Variants in ACTG2 observed in about 807,000 individuals in gnomAD.
ACTG2 encodes actin, gamma-enteric smooth muscle.
ACTG2 carries 16 observed loss-of-function variants against 37.6 expected under a neutral mutation model. The ratio of observed to expected loss-of-function variants is 0.43; its 90% confidence interval spans 0.29 to 0.65. The LOEUF is 0.65. Among genes scored for constraint, ACTG2 ranks in the 30% least tolerant of loss-of-function variants. The pLI, the probability that ACTG2 is intolerant of heterozygous loss-of-function variation, is 0.18. For missense variants in ACTG2, 238 were observed against 490.9 expected (o/e 0.48, Z 4.87); for synonymous variants, 181 against 179.9 (o/e 1.01, Z -0.05).
At chr2:73,909,422 A>C (rs1029919700) in intron 5 of ACTG2, among the ~76,000 whole-genome samples, 1 of 152,230 alleles carries the variant, frequency 6.6e-6, no homozygotes, top group African/African-American at 2.4e-5. Context: ...TTTCTGCTTC[A>C]TGAAGCAGAA....
chr2:73,898,366 T>TTTTTTTTTTTTTTTTTTTTTTTTGAGACG (rs1481747110), intron 1 of ACTG2, among the ~76,000 whole-genome samples: 2 of 143,762 alleles, frequency 1.4e-5, no homozygotes, highest in Non-Finnish European at 3.1e-5. Flanking sequence ...CCTTTTCTAT[T>TTTTTTTTTTTTTTTTTTTTTTTTGAGACG]GTATTAAATA....
chr2:73,894,479 C>G (rs1558619165), intron 1 of ACTG2, among the ~76,000 whole-genome samples: 1 of 152,208 alleles, frequency 6.6e-6, no homozygotes, highest in Non-Finnish European at 1.5e-5. Flanking sequence ...TATCTTTCCT[C>G]TTTCCCCTTG....
In ACTG2 at chr2:73,893,015, C is replaced by T. The variant is rs1354950238; in HGVS notation, c.-73C>T. 6.6e-6 allele frequency: 1 copy of T among 152,220 alleles called. No individual in the cohort carries two copies. Among genetic ancestry groups the T allele is most frequent in the Non-Finnish European group, 1.5e-5 (1 of 68,082 alleles). The allele number at this position is 152,220 out of a possible 1,614,324, so 9.4% of individuals were successfully genotyped here. A position where few individuals can be genotyped will look rare whatever the true frequency, so the allele number is the denominator to read the frequency against. ...GGTATTCATGCCAAAGACACACCAGCCCTCAGTCACTGGGAGAAGAACCTC... is the reference window on the plus strand; with the variant it reads ...GGTATTCATGCCAAAGACACACCAGTCCTCAGTCACTGGGAGAAGAACCTC... On this transcript the variant is annotated 5_prime_UTR_variant, in exon 1 of 9. Coordinates refer to ENST00000345517, the MANE Select transcript of ACTG2 (RefSeq NM_001615.4).
chr2:73,909,528 G>A (rs1680083458), intron 5 of ACTG2, among the ~76,000 whole-genome samples: 1 of 152,152 alleles, frequency 6.6e-6, no homozygotes, highest in African/African-American at 2.4e-5. Flanking sequence ...AGGTGACTTT[G>A]TCACTGTGGG....
chr2:73,908,878 C>A, intron 4 of ACTG2, 95 bp downstream of exon 4: 1 of 1,274,328 alleles, frequency 7.8e-7, no homozygotes, highest in Non-Finnish European at 1.1e-6. Context: ...TGCAACAGAA[C>A]TCTCTGAGGA....
intron 7 of ACTG2, among the ~76,000 whole-genome samples, chr2:73,916,120 G>A (rs1680261698): frequency 6.6e-6 from 1 of 152,166 alleles, no homozygotes; most frequent in Admixed American, 6.5e-5. Context: ...CCTCGCGCCT[G>A]TAATCCCAGC....
intron 3 of ACTG2, among the ~76,000 whole-genome samples, chr2:73,905,778 TG>T (rs1227720440): frequency 6.6e-6 from 1 of 152,132 alleles, no homozygotes; most frequent in African/African-American, 2.4e-5. Context: ...TCTTCTTCTT[TG>T]GAAAACATCC....
chr2:73,906,601 C>G (rs1680021329), intron 3 of ACTG2, among the ~76,000 whole-genome samples: 1 of 152,054 alleles, frequency 6.6e-6, no homozygotes, highest in Admixed American at 6.6e-5. Context: ...TTGCCTCTGT[C>G]TCCGGTGTAG....
At chr2:73,913,300 A>G (rs1680183069) in intron 5 of ACTG2, among the ~76,000 whole-genome samples, 185 bp from the exon 6 acceptor site, 1 of 152,186 alleles carries the variant, frequency 6.6e-6, no homozygotes, top group African/African-American at 2.4e-5. Context: ...CTACAGTCTC[A>G]CTGGGGGGAA....
At chr2:73,916,027 A>C (rs1680259314) in intron 7 of ACTG2, among the ~76,000 whole-genome samples, 1 of 152,174 alleles carries the variant, frequency 6.6e-6, no homozygotes. Context: ...AAAAGTTATG[A>C]AAAAAGAAAG....
intron 2 of ACTG2, chr2:73,901,726 A>T: frequency 7.1e-6 from 3 of 421,112 alleles, no homozygotes; most frequent in South Asian, 5.1e-5. Context: ...TCAGGCACAC[A>T]ATGACACTAC....
chr2:73,908,179 G>T, intron 3 of ACTG2: 1 of 437,408 alleles, frequency 2.3e-6, no homozygotes, highest in Non-Finnish European at 4.6e-6. Flanking sequence ...TTGGAGCTTA[G>T]TGAGAGCTTG....
intron 3 of ACTG2, among the ~76,000 whole-genome samples, chr2:73,904,915 A>G (rs1558624384): frequency 6.6e-6 from 1 of 151,014 alleles, no homozygotes; most frequent in African/African-American, 2.4e-5. Context: ...ATTATGTGAC[A>G]TAATTCTAAA....
chr2:73,903,438 A>AG (rs1350038354), intron 3 of ACTG2, among the ~76,000 whole-genome samples: 1 of 152,262 alleles, frequency 6.6e-6, no homozygotes, highest in Non-Finnish European at 1.5e-5. Context: ...CACAGACATT[A>AG]GAGGCAATGG....
intron 3 of ACTG2, among the ~76,000 whole-genome samples, chr2:73,904,763 GTGTGTGTGTGTGTGTATATATATATATA>G (rs1439514167): frequency 3.4e-5 from 2 of 58,362 alleles, no homozygotes; most frequent in African/African-American, 1.6e-4. Flanking sequence ...GTGTGTGTGT[GTGTGTGTGTGTGTGTATATATATATATA>G]TATATATATA....
Position 73,902,332 on chromosome 2 carries a change from TTTCTCTTTTC to T in ACTG2, c.127-23_127-14del. 1 of 1,611,790 alleles carries T rather than the reference TTTCTCTTTTC, an allele frequency of 6.2e-7. No individual in the cohort carries two copies. Among genetic ancestry groups the T allele is most frequent in the Non-Finnish European group, 8.5e-7 (1 of 1,178,828 alleles). On this transcript the variant is annotated intron_variant, in intron 2 of 8. Coordinates refer to ENST00000345517, the MANE Select transcript of ACTG2 (RefSeq NM_001615.4). ...TCTGTGTGGAGCCCTCAGCCATTCA[TTTCTCTTTTC>T]TTCTTTTTGCATTGCAGGGTGTGAT...
At chr2:73,911,815 G>C (rs905067610) in intron 5 of ACTG2, among the ~76,000 whole-genome samples, 21 of 152,354 alleles carry the variant, frequency 1.4e-4, no homozygotes, top group Non-Finnish European at 2.5e-4. Context: ...TGGTATAGAA[G>C]TGTGCTCAGC....
At chr2:73,902,000 AG>A (rs1679895451) in intron 2 of ACTG2, among the ~76,000 whole-genome samples, 1 of 142,320 alleles carries the variant, frequency 7.0e-6, no homozygotes, top group African/African-American at 2.8e-5. Context: ...AGGGGACTTG[AG>A]GAGGATGCAT....
intron 4 of ACTG2, 133 bp from the exon 5 acceptor site, chr2:73,908,922 G>A (rs1680071502): frequency 8.3e-7 from 1 of 1,203,768 alleles, no homozygotes; most frequent in Non-Finnish European, 1.2e-6. Flanking sequence ...CAGGCCCTGG[G>A]GGAGTGGGTG....
Sources: allele counts gnomAD v4.1 joint callset (sites outside exome capture counted in the v4.1 genomes callset), GRCh38; gene constraint gnomAD v4.1.1; transcripts MANE v1.5; gene names NCBI Gene and HGNC (gene_info 2026-07-23, HGNC 2026-07-21).